The following ERFE variants were observed in gnomAD, a reference collection of about 807,000 sequenced individuals.
ERFE encodes complement C1q tumor necrosis factor-related protein 15.
Under a neutral mutation model 26.6 loss-of-function variants are expected in ERFE, and 25 were observed. That is an observed-to-expected ratio of 0.94 (90% CI 0.69 to 1.31). The LOEUF (loss-of-function observed/expected upper bound fraction) is 1.31, where lower values mean the gene tolerates loss of function less well. ERFE is among the 40% of genes most tolerant of loss of function. ERFE has a pLI of 0.00. For missense variants in ERFE, 447 were observed against 440.2 expected, an observed-to-expected ratio of 1.02 and a Z score of -0.14; for synonymous variants, 206 against 204.5, an observed-to-expected ratio of 1.01 and a Z score of -0.06.
intron 5 of ERFE, 39 bp downstream of exon 5, chr2:238,164,222 C>T (rs1692993319): frequency 1.4e-6 from 2 of 1,433,184 alleles, no homozygotes; most frequent in East Asian, 2.8e-5. Context: ...CGCTCTGTCG[C>T]CCACCCCGCC....
In ERFE at chr2:238,164,325, G is replaced by T; in HGVS notation, c.852G>T (p.Leu284=). 1 of 1,535,940 alleles carries T rather than the reference G, an allele frequency of 6.5e-7. No individual in the cohort carries two copies. Among genetic ancestry groups the T allele is most frequent in the East Asian group, 2.5e-5 (1 of 39,744 alleles). ...GPPRPRDHLR[L]LICIQSRCQR... ...CGCGCCCCCGGGACCACCTGCGCCT[G>T]CTCATCTGCATCCAGTCCCGGTGCC... is the stretch of plus-strand genomic sequence containing the variant. The change falls in exon 6 of 8, where the codon CTG becomes CTT. Residue 284 remains leucine (L), a synonymous_variant. Coordinates refer to ENST00000546354, the MANE Select transcript of ERFE (RefSeq NM_001291832.2).
intron 1 of ERFE, among the ~76,000 whole-genome samples, chr2:238,160,634 T>A (rs1273674472): frequency 6.6e-6 from 1 of 152,168 alleles, no homozygotes; most frequent in Non-Finnish European, 1.5e-5. Context: ...CACAACACCC[T>A]GGCCTGCGCA....
rs746022584 is a variant in ERFE at position 238,164,233 on chromosome 2, G to T, written c.797-37G>T. 9.9e-6 allele frequency: 14 copies of T among 1,410,622 alleles called. No individual in the cohort carries two copies. In the South Asian group the frequency reaches 1.8e-4, roughly 18 times the overall value. 87.4% of individuals were successfully genotyped at this position (1,410,622 alleles called of 1,614,324 possible). On this transcript the variant is annotated intron_variant, in intron 5 of 7. Transcript: ENST00000546354. ...CGCCCGCTCTGTCGCCCACCCCGCC[G>T]CCCGCCCGCTTGACCACGTCCCACC...
chr2:238,162,063 C>T (rs1692947050), intron 2 of ERFE, among the ~76,000 whole-genome samples: 1 of 152,230 alleles, frequency 6.6e-6, no homozygotes, highest in African/African-American at 2.4e-5. Context: ...CACAGGGTCC[C>T]TCTCACCCTC....
chr2:238,166,880 T>A (rs1693044759), intron 7 of ERFE, 76 bp from the exon 8 acceptor site: 1 of 1,203,492 alleles, frequency 8.3e-7, no homozygotes, highest in African/African-American at 1.5e-5. Context: ...CAGGAGGGAG[T>A]GTGGCTGGCT....
intron 2 of ERFE, among the ~76,000 whole-genome samples, chr2:238,162,071 C>G (rs1459468895): frequency 2.0e-5 from 3 of 152,224 alleles, no homozygotes; most frequent in African/African-American, 7.2e-5. Context: ...CCCTCTCACC[C>G]TCACTCAGCC....
chr2:238,167,344 C>CTG lies in ERFE; in HGVS notation c.*290_*291insTG, dbSNP rs768311188. 1 of 648,014 alleles carries CTG rather than the reference C, an allele frequency of 1.5e-6. No homozygotes were observed. Among genetic ancestry groups the CTG allele is most frequent in the South Asian group, 1.5e-5 (1 of 66,274 alleles). 40.1% of individuals were successfully genotyped at this position (648,014 alleles called of 1,614,324 possible). ...GCACCTGCTAGTCTCCAGCTGCAGGCCGACTCTTTCCTGGCCTGCTCAGCA... is the reference window on the plus strand; with the variant it reads ...GCACCTGCTAGTCTCCAGCTGCAGGCTGCGACTCTTTCCTGGCCTGCTCAGCA... On this transcript the variant is annotated 3_prime_UTR_variant, in exon 8 of 8. Transcript: ENST00000546354.
intron 1 of ERFE, among the ~76,000 whole-genome samples, chr2:238,161,081 G>A (rs1263110854): frequency 6.6e-6 from 1 of 152,244 alleles, no homozygotes; most frequent in Non-Finnish European, 1.5e-5. Flanking sequence ...ACCCGAGGCA[G>A]CTGTGAGAGC....
Position 238,163,906 on chromosome 2 carries a change from G to C in ERFE, c.594G>C (p.Arg198=), listed in dbSNP as rs1397583100. The C allele has an allele frequency of 6.1e-6, 8 of 1,319,646 alleles. No homozygotes were observed. The highest frequency in any genetic ancestry group is 1.6e-5 in the African/African-American group (1 of 64,304). The allele number at this position is 1,319,646 out of a possible 1,614,324, so 81.7% of individuals were successfully genotyped here. A position where few individuals can be genotyped will look rare whatever the true frequency, so the allele number is the denominator to read the frequency against. The part of the protein sequence containing the change: ...LLAAPLAPGP[R]APRVEAAFLC... Reference sequence around the variant, plus strand: ...CCGCGCCCCTGGCCCCGGGGCCGCGGGCGCCGCGCGTGGAGGCCGCTTTCC... The same window carrying C: ...CCGCGCCCCTGGCCCCGGGGCCGCGCGCGCCGCGCGTGGAGGCCGCTTTCC... Residue 198 remains arginine, a synonymous_variant, in exon 4 of 8, where the codon CGG becomes CGC. Transcript: ENST00000546354.
intron 6 of ERFE, 32 bp downstream of exon 6, chr2:238,164,392 G>T (rs763495576): frequency 1.1e-4 from 164 of 1,534,748 alleles, no homozygotes; most frequent in Non-Finnish European, 1.3e-4. Flanking sequence ...CCCCACACCC[G>T]CATTCGCTCG....
At position 238,167,267 on chromosome 2, in the gene ERFE, G is replaced by GAAC. The variant is rs1693055303; in HGVS notation, c.*213_*214insAAC. ...TGGTCCCGGAGCCAGGGTTGATTCA[G>GAAC]GACACCATCTTGGGCTCTTATCCAG... On this transcript the variant is annotated 3_prime_UTR_variant, in exon 8 of 8. Coordinates refer to ENST00000546354, the MANE Select transcript of ERFE (RefSeq NM_001291832.2). 2.8e-6 allele frequency: 2 copies of GAAC among 704,874 alleles called. No homozygotes were observed. The highest frequency in any genetic ancestry group is 3.5e-5 in the African/African-American group (2 of 57,446). The allele number at this position is 704,874 out of a possible 1,614,324, so 43.7% of individuals were successfully genotyped here.
intron 1 of ERFE, among the ~76,000 whole-genome samples, chr2:238,159,713 T>C (rs1007501288): frequency 5.9e-5 from 9 of 152,242 alleles, no homozygotes; most frequent in Admixed American, 2.6e-4. Context: ...TGGGTGATCT[T>C]GAGCTCTGCC....
intron 1 of ERFE, among the ~76,000 whole-genome samples, chr2:238,161,387 G>A (rs1013032679): frequency 1.3e-5 from 2 of 152,198 alleles, no homozygotes; most frequent in African/African-American, 4.8e-5. Context: ...GGTGTGGCCC[G>A]TTCCCTAGGA....
In ERFE at chr2:238,163,906, G is replaced by A; in HGVS notation, c.594G>A (p.Arg198=). The A allele has an allele frequency of 1.5e-6, 2 of 1,319,760 alleles. No homozygotes were observed. The highest frequency in any genetic ancestry group is 1.6e-5 in the African/African-American group (1 of 64,424). 81.8% of individuals were successfully genotyped at this position (1,319,760 alleles called of 1,614,324 possible). ...LLAAPLAPGP[R]APRVEAAFLC... is the part of the protein sequence containing the mutation. ...CCGCGCCCCTGGCCCCGGGGCCGCGGGCGCCGCGCGTGGAGGCCGCTTTCC... is the reference window on the plus strand; with the variant it reads ...CCGCGCCCCTGGCCCCGGGGCCGCGAGCGCCGCGCGTGGAGGCCGCTTTCC... The change falls in exon 4 of 8, where the codon CGG becomes CGA. Residue 198 remains arginine, a synonymous_variant. Coordinates refer to ENST00000546354, the MANE Select transcript of ERFE (RefSeq NM_001291832.2).
At position 238,164,009 on chromosome 2, in the gene ERFE, G is replaced by T; in HGVS notation, c.687+10G>T. On this transcript the variant is annotated intron_variant, in intron 4 of 7. Coordinates refer to ENST00000546354, the MANE Select transcript of ERFE (RefSeq NM_001291832.2). ...TGGCGTCTACTACCTGGTGAGTGCC[G>T]GCGCGCGGGAGGGCGGGTGAGTCCG... The T allele has an allele frequency of 7.3e-7, 1 of 1,375,948 alleles. No homozygotes were observed. Among genetic ancestry groups the T allele is most frequent in the Non-Finnish European group, 9.3e-7 (1 of 1,071,570 alleles). 85.2% of individuals were successfully genotyped at this position (1,375,948 alleles called of 1,614,324 possible).
intron 1 of ERFE, among the ~76,000 whole-genome samples, chr2:238,159,416 G>T (rs539107611): frequency 1.3e-4 from 20 of 152,276 alleles, no homozygotes; most frequent in African/African-American, 4.6e-4. Context: ...CTTTGGGGTA[G>T]TTTGACTTAA....
chr2:238,166,817 C>T (rs543702106), intron 7 of ERFE, 139 bp from the exon 8 acceptor site: 14 of 698,266 alleles, frequency 2.0e-5, no homozygotes, highest in Middle Eastern at 3.9e-4. Flanking sequence ...GTGACCTTGG[C>T]GGCCACATTC....
At chr2:238,163,589 G>T in intron 3 of ERFE, 148 bp from the exon 4 acceptor site, 1 of 971,490 alleles carries the variant, frequency 1.0e-6, no homozygotes, top group Non-Finnish European at 1.3e-6. Context: ...AGACTCCGAG[G>T]CCCTTCAGGC....
Position 238,159,045 on chromosome 2 carries a change from TG to T in ERFE, c.39del (p.Leu14SerfsTer93). ...PARRPAGARL[L>X]LVYAGLLAAA... ...CGCCGCCCCGCCGGAGCCCGCCTGC[TG>T]CTCGTCTACGCGGGCCTGCTGGCCG... On this transcript the variant is annotated frameshift_variant, in exon 1 of 8. Coordinates refer to ENST00000546354, the MANE Select transcript of ERFE (RefSeq NM_001291832.2). LOFTEE classifies it high-confidence loss of function. 7.7e-6 allele frequency: 2 copies of T among 258,820 alleles called. No individual in the cohort carries two copies. The highest frequency in any genetic ancestry group is 1.4e-5 in the Non-Finnish European group (2 of 138,982). 16.0% of individuals were successfully genotyped at this position (258,820 alleles called of 1,614,324 possible).
Sources: gnomAD v4.1 joint callset for allele counts (sites outside exome capture counted in the v4.1 genomes callset) on GRCh38, gnomAD v4.1.1 for gene constraint, MANE v1.5 for transcripts, NCBI Gene and HGNC (gene_info 2026-07-23, HGNC 2026-07-21) for gene names.